The following RBFOX1 variants were observed in gnomAD, a reference collection of about 807,000 sequenced individuals.
The protein encoded by RBFOX1 is RNA binding fox-1 homolog 1.
A neutral mutation model predicts 57.7 loss-of-function variants in RBFOX1; 8 were observed. The observed-to-expected ratio is 0.14, with a 90% CI of 0.08 to 0.25. RBFOX1 has a LOEUF of 0.25. Ranked by LOEUF, RBFOX1 falls within the 10% of genes least tolerant of loss-of-function variation. The pLI, the probability that RBFOX1 is intolerant of heterozygous loss-of-function variation, is 1.00. For synonymous variants in RBFOX1, 326 were observed against 222.4 expected, an observed-to-expected ratio of 1.47 and a Z score of -4.15; for missense variants, 611 against 548.5, an observed-to-expected ratio of 1.11 and a Z score of -1.14.
At chr16:5,839,798 T>C (rs960740415) in intron 3 of RBFOX1, among the ~76,000 whole-genome samples, 5 of 152,160 alleles carry the variant, frequency 3.3e-5, no homozygotes, top group African/African-American at 7.2e-5. Context: ...GGTTTTCTTT[T>C]CTTGAGGCTA....
intron 4 of RBFOX1, among the ~76,000 whole-genome samples, chr16:5,915,157 C>G (rs1310336324): frequency 1.3e-5 from 2 of 152,180 alleles, no homozygotes; most frequent in East Asian, 3.9e-4. Context: ...CTCCCTTTGT[C>G]TCTTCTAGGT....
intron 14 of RBFOX1, among the ~76,000 whole-genome samples, chr16:7,689,451 C>T (rs1451581587): frequency 3.3e-5 from 5 of 152,078 alleles, no homozygotes; most frequent in African/African-American, 1.2e-4. Flanking sequence ...CTGCTACCTA[C>T]AGAACAGTGA....
intron 2 of RBFOX1, among the ~76,000 whole-genome samples, chr16:6,630,875 T>G (rs1567958562): frequency 6.6e-6 from 1 of 152,092 alleles, no homozygotes; most frequent in Non-Finnish European, 1.5e-5. Flanking sequence ...ACCAGGACAT[T>G]TGGCCAAACA....
At chr16:6,115,178 T>G (rs145648806) in intron 1 of RBFOX1, among the ~76,000 whole-genome samples, 1 of 152,216 alleles carries the variant, frequency 6.6e-6, no homozygotes. Flanking sequence ...CCTGCCATTT[T>G]ATTTTTACTT....
intron 5 of RBFOX1, among the ~76,000 whole-genome samples, chr16:7,573,489 T>C (rs1171976012): frequency 6.6e-6 from 1 of 152,102 alleles, no homozygotes; most frequent in Non-Finnish European, 1.5e-5. Context: ...TACCTTCTGA[T>C]CTCCCAAATA....
intron 3 of RBFOX1, among the ~76,000 whole-genome samples, chr16:6,785,182 G>C (rs1382683470): frequency 6.6e-6 from 1 of 152,064 alleles, no homozygotes; most frequent in African/African-American, 2.4e-5. Flanking sequence ...GATCTGGTCT[G>C]CTCTGGAGAA....
intron 2 of RBFOX1, among the ~76,000 whole-genome samples, chr16:5,534,293 A>T (rs986476247): frequency 6.6e-6 from 1 of 152,192 alleles, no homozygotes; most frequent in Admixed American, 6.5e-5. Context: ...GGATATATGT[A>T]TACATGAAAG....
At chr16:6,796,185 C>G (rs1161881830) in intron 3 of RBFOX1, among the ~76,000 whole-genome samples, 6 of 152,072 alleles carry the variant, frequency 3.9e-5, no homozygotes, top group Admixed American at 3.3e-4. Context: ...TGCAGGGAAA[C>G]TCCCATTTTT....
At chr16:5,329,348 T>C (rs1261655355) in intron 1 of RBFOX1, among the ~76,000 whole-genome samples, 1 of 152,130 alleles carries the variant, frequency 6.6e-6, no homozygotes, top group Non-Finnish European at 1.5e-5. Flanking sequence ...TGTCTTCACA[T>C]GGCCAGAGCA....
intron 2 of RBFOX1, among the ~76,000 whole-genome samples, chr16:6,517,011 C>G (rs1005745355): frequency 3.9e-5 from 6 of 152,134 alleles, no homozygotes; most frequent in Non-Finnish European, 8.8e-5. Flanking sequence ...TAAATTCCTA[C>G]TAGTGTAGAC....
intron 4 of RBFOX1, among the ~76,000 whole-genome samples, chr16:7,087,552 G>C (rs1027720172): frequency 1.4e-5 from 2 of 142,126 alleles, no homozygotes; most frequent in Middle Eastern, 7.0e-3. Flanking sequence ...GAAGGGAAAA[G>C]AGAGAGAGAG....
intron 4 of RBFOX1, among the ~76,000 whole-genome samples, chr16:7,078,293 C>G (rs1490838595): frequency 1.3e-5 from 2 of 152,178 alleles, no homozygotes; most frequent in Admixed American, 6.5e-5. Flanking sequence ...GTGACCTAAC[C>G]CAGAAATGGT....
chr16:6,078,823 T>C (rs2095952666), intron 1 of RBFOX1, among the ~76,000 whole-genome samples: 4 of 152,340 alleles, frequency 2.6e-5, no homozygotes, highest in African/African-American at 9.6e-5. Context: ...GTCTTTAAGT[T>C]TGTTGCTGTC....
At chr16:5,923,694 A>G (rs2058882047) in intron 4 of RBFOX1, among the ~76,000 whole-genome samples, 1 of 151,978 alleles carries the variant, frequency 6.6e-6, no homozygotes, top group Non-Finnish European at 1.5e-5. Flanking sequence ...GGCATGCGCC[A>G]CCACACCTGC....
intron 1 of RBFOX1, among the ~76,000 whole-genome samples, chr16:5,350,870 AAATCAT>A (rs60231528): frequency 0.95 from 143,555 of 150,324 alleles, 68,669 homozygotes; most frequent in South Asian, 0.99. Context: ...CATCTCAAGA[AAATCAT>A]AATCATAATC....
chr16:7,571,444 C>G (rs564839527), intron 5 of RBFOX1, among the ~76,000 whole-genome samples: 5 of 152,206 alleles, frequency 3.3e-5, no homozygotes, highest in Non-Finnish European at 7.3e-5. Flanking sequence ...TCTCGGGTTG[C>G]TCAGAGCTAT....
At chr16:6,152,969 C>T (rs1164859605) in intron 1 of RBFOX1, among the ~76,000 whole-genome samples, 1 of 151,206 alleles carries the variant, frequency 6.6e-6, no homozygotes, top group African/African-American at 2.4e-5. Context: ...GGTTCTGGAT[C>T]TAGGCCTTTT....
At chr16:5,713,755 GC>G (rs2051580963) in intron 3 of RBFOX1, among the ~76,000 whole-genome samples, 1 of 152,122 alleles carries the variant, frequency 6.6e-6, no homozygotes, top group Non-Finnish European at 1.5e-5. Context: ...CATGCAAACT[GC>G]CCCCCTCCCT....
intron 1 of RBFOX1, among the ~76,000 whole-genome samples, chr16:5,362,340 G>T (rs770693347): frequency 6.6e-6 from 1 of 151,916 alleles, no homozygotes; most frequent in Non-Finnish European, 1.5e-5. Flanking sequence ...ACAGGTGCAC[G>T]CCACCACGCC....
Sources: gnomAD v4.1 joint callset for allele counts (sites outside exome capture counted in the v4.1 genomes callset) on GRCh38, gnomAD v4.1.1 for gene constraint, MANE v1.5 for transcripts, NCBI Gene and HGNC (gene_info 2026-07-23, HGNC 2026-07-21) for gene names.